KATNAL1: variants seen among roughly 807,000 people sequenced by gnomAD.
KATNAL1 encodes katanin p60 ATPase-containing subunit A-like 1.
Under a neutral mutation model 55.2 loss-of-function variants are expected in KATNAL1, and 32 were observed. That is an observed-to-expected ratio of 0.58 (90% CI 0.44 to 0.78). KATNAL1 has a LOEUF of 0.78. KATNAL1 is among the 30% of genes least tolerant of loss of function. The pLI is 0.00. For missense variants in KATNAL1, 466 were observed against 600.9 expected, an observed-to-expected ratio of 0.78 and a Z score of 2.35; for synonymous variants, 193 against 193.6, an observed-to-expected ratio of 1.00 and a Z score of 0.02.
chr13:30,250,180 A>C (rs1878168683), intron 4 of KATNAL1, among the ~76,000 whole-genome samples: 1 of 152,214 alleles, frequency 6.6e-6, no homozygotes, highest in Non-Finnish European at 1.5e-5. Context: ...AATGCTATAA[A>C]TCAGGGCTTG....
At chr13:30,214,485 A>C (rs1404229576) in intron 9 of KATNAL1, among the ~76,000 whole-genome samples, 2 of 152,230 alleles carry the variant, frequency 1.3e-5, no homozygotes, top group Non-Finnish European at 2.9e-5. Flanking sequence ...AGCCAAAAGA[A>C]CAAAGCTGGA....
At chr13:30,243,941 T>A (rs967211611) in intron 4 of KATNAL1, among the ~76,000 whole-genome samples, 10 of 152,164 alleles carry the variant, frequency 6.6e-5, no homozygotes, top group Admixed American at 1.3e-4. Context: ...TTCTTTTTTT[T>A]AAATTATACT....
At chr13:30,250,367 T>C (rs574916878) in intron 4 of KATNAL1, among the ~76,000 whole-genome samples, 2 of 152,368 alleles carry the variant, frequency 1.3e-5, no homozygotes, top group East Asian at 3.9e-4. Flanking sequence ...TGAGTAAAGC[T>C]CTAGCATGTT....
intron 6 of KATNAL1, among the ~76,000 whole-genome samples, chr13:30,235,268 T>G (rs1876540746): frequency 6.6e-6 from 1 of 152,228 alleles, no homozygotes; most frequent in African/African-American, 2.4e-5. Flanking sequence ...CCATTCAGCT[T>G]CTAGTGATGG....
At chr13:30,275,667 T>C (rs1880789629) in intron 3 of KATNAL1, among the ~76,000 whole-genome samples, 1 of 152,152 alleles carries the variant, frequency 6.6e-6, no homozygotes. Flanking sequence ...TTAACAATAC[T>C]GTATACCTGA....
At chr13:30,212,529 G>T (rs185606767) in intron 9 of KATNAL1, among the ~76,000 whole-genome samples, 7 of 152,280 alleles carry the variant, frequency 4.6e-5, no homozygotes, top group Non-Finnish European at 8.8e-5. Context: ...TCAGAACGCT[G>T]GGCTCAAGCA....
rs1873049061 is a variant in KATNAL1 at position 30,205,681 on chromosome 13, A to AGGTG, written c.*2858_*2859insCACC. 1 of 148,604 alleles carries AGGTG rather than the reference A, an allele frequency of 6.7e-6. No homozygotes were observed. The highest frequency in any genetic ancestry group is 2.6e-5 in the African/African-American group (1 of 38,918). The allele number at this position is 148,604 out of a possible 1,614,324, so 9.2% of individuals were successfully genotyped here. Reference sequence around the variant, plus strand: ...TGTACATTAAAAGTTAGGGCTGGGCACAGTGGCTCACGCCTGTAATCCAAG... The same window carrying AGGTG: ...TGTACATTAAAAGTTAGGGCTGGGCAGGTGCAGTGGCTCACGCCTGTAATCCAAG... On this transcript the variant is annotated 3_prime_UTR_variant, in exon 11 of 11. Coordinates refer to ENST00000380615, the MANE Select transcript of KATNAL1 (RefSeq NM_032116.5).
intron 3 of KATNAL1, among the ~76,000 whole-genome samples, chr13:30,259,653 C>T (rs374628049): frequency 1.2e-4 from 19 of 152,306 alleles, no homozygotes; most frequent in Middle Eastern, 3.4e-3. Flanking sequence ...CTGAATGCTG[C>T]GCTTTTCTGA....
chr13:30,267,735 T>A (rs1171745899), intron 3 of KATNAL1, among the ~76,000 whole-genome samples: 1 of 152,124 alleles, frequency 6.6e-6, no homozygotes, highest in Non-Finnish European at 1.5e-5. Context: ...CATACATAGC[T>A]GATCTTACCA....
chr13:30,254,551 AGT>A (rs1039174327), intron 4 of KATNAL1, among the ~76,000 whole-genome samples: 3 of 152,188 alleles, frequency 2.0e-5, no homozygotes, highest in African/African-American at 7.2e-5. Context: ...GTTGGTCTGG[AGT>A]CCTTACCTAC....
chr13:30,247,401 C>A (rs567055122), intron 4 of KATNAL1, among the ~76,000 whole-genome samples: 31 of 152,208 alleles, frequency 2.0e-4, no homozygotes, highest in Non-Finnish European at 3.7e-4. Flanking sequence ...TCATTCTGCA[C>A]ACCTATCAAT....
At chr13:30,254,090 C>T (rs1349162236) in intron 4 of KATNAL1, among the ~76,000 whole-genome samples, 1 of 152,178 alleles carries the variant, frequency 6.6e-6, no homozygotes, top group East Asian at 1.9e-4. Flanking sequence ...AAATTCAAGA[C>T]TGAAAGTTCC....
chr13:30,251,070 A>G (rs1461095335), intron 4 of KATNAL1, among the ~76,000 whole-genome samples: 1 of 150,074 alleles, frequency 6.7e-6, no homozygotes, highest in Admixed American at 6.8e-5. Context: ...CCCAGGAGGC[A>G]GAGCTTGCAG....
intron 9 of KATNAL1, among the ~76,000 whole-genome samples, chr13:30,221,879 C>T (rs1874896534): frequency 6.6e-6 from 1 of 152,116 alleles, no homozygotes; most frequent in South Asian, 2.1e-4. Flanking sequence ...TGAGGAAACC[C>T]TGTCTCTATT....
At position 30,205,750 on chromosome 13, in the gene KATNAL1, C is replaced by CTGTGTGTGTGTGTGTGTGTGTG. The variant is rs143277319; in HGVS notation, c.*2768_*2789dup. The CTGTGTGTGTGTGTGTGTGTGTG allele has an allele frequency of 2.9e-5, 4 of 137,402 alleles. No individual in the cohort carries two copies. Among genetic ancestry groups the CTGTGTGTGTGTGTGTGTGTGTG allele is most frequent in the Non-Finnish European group, 6.2e-5 (4 of 64,246 alleles). The allele number at this position is 137,402 out of a possible 1,614,324, so 8.5% of individuals were successfully genotyped here. On this transcript the variant is annotated 3_prime_UTR_variant, in exon 11 of 11. Coordinates refer to ENST00000380615, the MANE Select transcript of KATNAL1 (RefSeq NM_032116.5). ...AACACACTGTCTTCTGCAATAAAGA[C>CTGTGTGTGTGTGTGTGTGTGTG]TGTGTGTGTGTGTGTGTGTGTGTGT... is the stretch of plus-strand genomic sequence containing the variant.
chr13:30,275,051 T>A (rs2137518049), intron 3 of KATNAL1, among the ~76,000 whole-genome samples: 1 of 152,274 alleles, frequency 6.6e-6, no homozygotes, highest in South Asian at 2.1e-4. Flanking sequence ...GTGATCTGAC[T>A]GTGTTAGTCT....
intron 1 of KATNAL1, 27 bp from the exon 2 acceptor site, chr13:30,283,818 A>T (rs766108860): frequency 5.4e-6 from 8 of 1,493,854 alleles, no homozygotes; most frequent in African/African-American, 2.8e-5. Flanking sequence ...ATGACTTTTT[A>T]AAAATTTTCA....
rs183402232 is a variant in KATNAL1 at position 30,227,508 on chromosome 13, T to C, written c.1051A>G (p.Met351Val). ...TTAGTAGCAGCCAATACCATAACCA[T>C]TTTGGAAGGATCATCATTTTCTAAA... ...GALENDDPSKMVMVLAATNFP... is the reference protein window; with the variant it reads ...GALENDDPSKVVMVLAATNFP... Residue 351 changes from methionine to valine, a missense_variant, in exon 9 of 11, where the codon ATG becomes GTG. Met to Val is a conservative substitution (Grantham distance 21). This residue lies in a region of KATNAL1 where 213 missense variants were observed against 308.6 expected (regional missense o/e 0.69). Coordinates refer to ENST00000380615, the MANE Select transcript of KATNAL1 (RefSeq NM_032116.5). The C allele has an allele frequency of 6.2e-7, 1 of 1,613,838 alleles. No homozygotes were observed. The highest frequency in any genetic ancestry group is 1.3e-5 in the African/African-American group (1 of 75,050).
chr13:30,221,321 T>C (rs533268140), intron 9 of KATNAL1, among the ~76,000 whole-genome samples: 37 of 152,356 alleles, frequency 2.4e-4, no homozygotes, highest in African/African-American at 7.0e-4. Context: ...TTTGCATGTA[T>C]TGGCCAACAG....
Sources: gnomAD v4.1 joint callset for allele counts (sites outside exome capture counted in the v4.1 genomes callset) on GRCh38, gnomAD v4.1.1 for gene constraint, gnomAD v4.1.1 regional missense constraint, MANE v1.5 for transcripts, NCBI Gene and HGNC (gene_info 2026-07-23, HGNC 2026-07-21) for gene names.